The following TAFA1 variants were observed in gnomAD, a reference collection of about 807,000 sequenced individuals.
TAFA1 encodes the protein chemokine-like protein TAFA-1.
A neutral mutation model predicts 18.5 loss-of-function variants in TAFA1; 4 were observed. That is an observed-to-expected ratio of 0.22 (90% CI 0.11 to 0.49). The LOEUF (loss-of-function observed/expected upper bound fraction) is 0.49, where lower values mean the gene tolerates loss of function less well. Among genes scored for constraint, TAFA1 ranks in the 20% least tolerant of loss-of-function variants. The pLI is 0.98. For synonymous variants in TAFA1, 56 were observed against 55.2 expected (o/e 1.01, Z -0.06); for missense variants, 147 against 169.0 (o/e 0.87, Z 0.72).
upstream of TAFA1, among the ~76,000 whole-genome samples, chr3:68,003,330 T>A (rs925321880): frequency 1.3e-5 from 2 of 152,334 alleles, no homozygotes; most frequent in South Asian, 2.1e-4. Context: ...GAGAGTATTC[T>A]GGGGAATTTC....
At chr3:68,058,823 G>A (rs1157168357) in intron 2 of TAFA1, among the ~76,000 whole-genome samples, 3 of 152,040 alleles carry the variant, frequency 2.0e-5, no homozygotes, top group African/African-American at 7.2e-5. Flanking sequence ...CTTGTATAAC[G>A]TTTTCTATGG....
At chr3:68,212,604 T>A (rs1487887610) in intron 2 of TAFA1, among the ~76,000 whole-genome samples, 1 of 152,082 alleles carries the variant, frequency 6.6e-6, no homozygotes, top group African/African-American at 2.4e-5. Flanking sequence ...ACAGTATAAG[T>A]GTGTATCCAT....
chr3:68,022,870 T>A (rs990980289), intron 2 of TAFA1, among the ~76,000 whole-genome samples: 1 of 142,730 alleles, frequency 7.0e-6, no homozygotes, highest in African/African-American at 2.7e-5. Context: ...AAAATTAAGA[T>A]TTGTATTAAG....
At chr3:68,261,980 AG>A (rs1297451452) in intron 2 of TAFA1, among the ~76,000 whole-genome samples, 2 of 151,748 alleles carry the variant, frequency 1.3e-5, no homozygotes, top group Non-Finnish European at 2.9e-5. Context: ...TAAAAAAAAA[AG>A]AAAAAGTGAA....
At chr3:68,230,048 TA>T (rs750595434) in intron 2 of TAFA1, among the ~76,000 whole-genome samples, 3 of 152,186 alleles carry the variant, frequency 2.0e-5, no homozygotes, top group Non-Finnish European at 2.9e-5. Context: ...AAGCATGCAG[TA>T]AGTAATGATC....
the TAFA1 span, among the ~76,000 whole-genome samples, chr3:67,997,018 A>G: frequency 6.6e-6 from 1 of 152,140 alleles, no homozygotes; most frequent in African/African-American, 2.4e-5. Flanking sequence ...GCCAAGAGAA[A>G]CTCCATAGAG....
chr3:68,490,840 CT>C (rs3037411), intron 3 of TAFA1, among the ~76,000 whole-genome samples: 28,890 of 147,420 alleles, frequency 0.2, 2,862 homozygotes, highest in Middle Eastern at 0.21. Context: ...TCTTTTTTTT[CT>C]TTTTTTTTTG....
At chr3:68,478,084 C>A (rs2072139281) in intron 3 of TAFA1, among the ~76,000 whole-genome samples, 1 of 152,196 alleles carries the variant, frequency 6.6e-6, no homozygotes, top group South Asian at 2.1e-4. Flanking sequence ...GAGATCAAGA[C>A]TGAAGTTGGT....
chr3:68,318,076 A>T (rs1298841730), intron 2 of TAFA1, among the ~76,000 whole-genome samples: 1 of 152,202 alleles, frequency 6.6e-6, no homozygotes, highest in East Asian at 1.9e-4. Context: ...TATAATTTTA[A>T]TAGAATTATA....
intron 3 of TAFA1, among the ~76,000 whole-genome samples, chr3:68,422,726 C>T (rs1200699819): frequency 2.0e-5 from 3 of 152,132 alleles, no homozygotes; most frequent in South Asian, 4.2e-4. Context: ...CCAAATTACA[C>T]ACTTGCCAAA....
At chr3:68,264,783 C>T (rs1490145421) in intron 2 of TAFA1, among the ~76,000 whole-genome samples, 1 of 148,768 alleles carries the variant, frequency 6.7e-6, no homozygotes, top group African/African-American at 2.6e-5. Context: ...AAACTTTTGA[C>T]AAAAATCTGC....
At chr3:68,385,365 C>T (rs1036690981) in intron 2 of TAFA1, among the ~76,000 whole-genome samples, 1 of 151,978 alleles carries the variant, frequency 6.6e-6, no homozygotes, top group Non-Finnish European at 1.5e-5. Context: ...CTTGCTAAAC[C>T]AGGTTATTAG....
At chr3:68,106,657 C>T (rs550748664) in intron 2 of TAFA1, among the ~76,000 whole-genome samples, 3 of 152,090 alleles carry the variant, frequency 2.0e-5, no homozygotes, top group African/African-American at 7.2e-5. Flanking sequence ...AAAGGCAAGT[C>T]GATGGACTGG....
chr3:68,253,807 T>A (rs1366484403), intron 2 of TAFA1, among the ~76,000 whole-genome samples: 2 of 152,212 alleles, frequency 1.3e-5, no homozygotes, highest in Non-Finnish European at 2.9e-5. Flanking sequence ...ACAGGTAGTA[T>A]GTTTTAAATA....
intron 2 of TAFA1, among the ~76,000 whole-genome samples, chr3:68,133,908 T>G (rs2065573781): frequency 6.6e-6 from 1 of 151,834 alleles, no homozygotes; most frequent in Non-Finnish European, 1.5e-5. Context: ...AAAGATACAA[T>G]TAATTGGACA....
chr3:68,080,171 T>G (rs1170129485), intron 2 of TAFA1, among the ~76,000 whole-genome samples: 1 of 152,226 alleles, frequency 6.6e-6, no homozygotes, highest in Non-Finnish European at 1.5e-5. Context: ...GCTTGGTAGA[T>G]CTTCCTCCAT....
At chr3:68,157,706 TTA>T (rs1242494850) in intron 2 of TAFA1, among the ~76,000 whole-genome samples, 1 of 152,154 alleles carries the variant, frequency 6.6e-6, no homozygotes, top group African/African-American at 2.4e-5. Context: ...CTTCTTCAGT[TTA>T]TCTCCAAATA....
intron 2 of TAFA1, among the ~76,000 whole-genome samples, chr3:68,059,530 C>T (rs1263121570): frequency 6.6e-6 from 1 of 152,082 alleles, no homozygotes; most frequent in East Asian, 1.9e-4. Context: ...GAGAGCAGAA[C>T]ACAGGACAGG....
At chr3:68,520,851 A>G (rs1245356747) in intron 3 of TAFA1, among the ~76,000 whole-genome samples, 1 of 152,188 alleles carries the variant, frequency 6.6e-6, no homozygotes, top group East Asian at 1.9e-4. Context: ...ATTCGGTACT[A>G]AATGGCTAGA....
Sources: gnomAD v4.1 joint callset for allele counts (sites outside exome capture counted in the v4.1 genomes callset) on GRCh38, gnomAD v4.1.1 for gene constraint, MANE v1.5 for transcripts, NCBI Gene and HGNC (gene_info 2026-07-23, HGNC 2026-07-21) for gene names.